Variants in TTC28 observed in about 807,000 individuals in gnomAD.
TTC28 encodes the protein tetratricopeptide repeat protein 28.
In TTC28, 61 loss-of-function variants were observed where a neutral mutation model predicts 198.0. That is an observed-to-expected ratio of 0.31 (90% confidence interval 0.25 to 0.38). The LOEUF is 0.38. TTC28 is among the 10% of genes least tolerant of loss of function. The probability of loss-of-function intolerance (pLI) is 1.00; values close to 1 mark genes in which losing one functional copy is unlikely to be tolerated. For synonymous variants in TTC28, 1,171 were observed against 1,297.8 expected, an observed-to-expected ratio of 0.90 and a Z score of 2.10; for missense variants, 2,678 against 3,164.0, an observed-to-expected ratio of 0.85 and a Z score of 3.69.
intron 2 of TTC28, among the ~76,000 whole-genome samples, chr22:28,448,050 T>C (rs2047728228): frequency 6.6e-6 from 1 of 152,218 alleles, no homozygotes; most frequent in Non-Finnish European, 1.5e-5. Context: ...TATTTTTTCA[T>C]TAGGAATGAT....
At chr22:28,378,748 C>T (rs2046451524) in intron 2 of TTC28, among the ~76,000 whole-genome samples, 1 of 151,604 alleles carries the variant, frequency 6.6e-6, no homozygotes, top group South Asian at 2.1e-4. Flanking sequence ...CCAATTGAAA[C>T]AATTTAAAAT....
intron 2 of TTC28, among the ~76,000 whole-genome samples, chr22:28,604,252 T>C (rs2050688193): frequency 7.0e-6 from 1 of 143,400 alleles, no homozygotes; most frequent in Admixed American, 7.0e-5. Context: ...CACTCTAGCC[T>C]GGCTGACAGA....
chr22:28,533,446 A>G (rs951143046), intron 2 of TTC28, among the ~76,000 whole-genome samples: 3 of 152,182 alleles, frequency 2.0e-5, no homozygotes, highest in Non-Finnish European at 4.4e-5. Flanking sequence ...ATGCTCATGG[A>G]TACGAAGAAT....
At chr22:28,551,445 C>T (rs1395901184) in intron 2 of TTC28, among the ~76,000 whole-genome samples, 1 of 151,962 alleles carries the variant, frequency 6.6e-6, no homozygotes, top group East Asian at 1.9e-4. Flanking sequence ...AACTACAGAC[C>T]AATATCCCTG....
At chr22:28,340,378 A>C (rs958172007) in intron 2 of TTC28, among the ~76,000 whole-genome samples, 2 of 151,970 alleles carry the variant, frequency 1.3e-5, no homozygotes, top group Non-Finnish European at 2.9e-5. Context: ...ATGCCTCCAA[A>C]TTCACTATAA....
intron 2 of TTC28, among the ~76,000 whole-genome samples, chr22:28,331,419 C>T (rs1161025954): frequency 6.6e-6 from 1 of 152,104 alleles, no homozygotes; most frequent in African/African-American, 2.4e-5. Context: ...AATGCCTTTT[C>T]ATCTTTCTGT....
intron 2 of TTC28, among the ~76,000 whole-genome samples, chr22:28,401,079 G>T (rs1390117636): frequency 6.6e-6 from 1 of 151,784 alleles, no homozygotes; most frequent in Non-Finnish European, 1.5e-5. Context: ...GGAAATCAGG[G>T]AAGTATGATA....
intron 12 of TTC28, among the ~76,000 whole-genome samples, chr22:28,059,155 T>A (rs1940410477): frequency 6.6e-6 from 1 of 152,052 alleles, no homozygotes; most frequent in South Asian, 2.1e-4. Context: ...TGGGTTTACA[T>A]GCTCTTCGTT....
At chr22:28,589,535 T>C (rs1043159312) in intron 2 of TTC28, among the ~76,000 whole-genome samples, 2 of 152,244 alleles carry the variant, frequency 1.3e-5, no homozygotes, top group Non-Finnish European at 2.9e-5. Context: ...TTCCTGTCTA[T>C]ATTGACTGCC....
chr22:28,352,890 A>G, intron 2 of TTC28, among the ~76,000 whole-genome samples: 1 of 152,186 alleles, frequency 6.6e-6, no homozygotes, highest in East Asian at 1.9e-4. Context: ...TAAAGAAAGG[A>G]AGAGAGGTAA....
intron 2 of TTC28, among the ~76,000 whole-genome samples, chr22:28,514,856 C>T (rs565875333): frequency 6.6e-6 from 1 of 152,214 alleles, no homozygotes; most frequent in Non-Finnish European, 1.5e-5. Context: ...ATAGGTCAGT[C>T]TTGCAGAATA....
At chr22:28,280,653 T>C (rs1434596429) in intron 5 of TTC28, among the ~76,000 whole-genome samples, 1 of 152,172 alleles carries the variant, frequency 6.6e-6, no homozygotes, top group African/African-American at 2.4e-5. Context: ...ATCTTTTATA[T>C]TTACCAACAT....
chr22:28,326,969 AACACAAACAC>A (rs1276310144), intron 2 of TTC28, among the ~76,000 whole-genome samples: 14 of 91,486 alleles, frequency 1.5e-4, no homozygotes, highest in African/African-American at 4.6e-4. Flanking sequence ...AGCATACACA[AACACAAACAC>A]ACACACACAC....
chr22:28,579,206 C>T (rs2050195891), intron 2 of TTC28, among the ~76,000 whole-genome samples: 1 of 149,874 alleles, frequency 6.7e-6, no homozygotes, highest in Non-Finnish European at 1.5e-5. Context: ...ATTATATATA[C>T]ACATACATAC....
chr22:28,021,320 G>T (rs542228530), intron 13 of TTC28, among the ~76,000 whole-genome samples: 1 of 152,296 alleles, frequency 6.6e-6, no homozygotes, highest in African/African-American at 2.4e-5. Flanking sequence ...GGCTGGGGCT[G>T]TCTGCTCCAC....
chr22:28,577,040 G>A (rs535686329), intron 2 of TTC28, among the ~76,000 whole-genome samples: 1 of 151,718 alleles, frequency 6.6e-6, no homozygotes, highest in Middle Eastern at 3.4e-3. Flanking sequence ...TGCTTTTCTA[G>A]TTGTTAAAGA....
At chr22:28,469,284 T>C (rs755949743) in intron 2 of TTC28, among the ~76,000 whole-genome samples, 1 of 152,150 alleles carries the variant, frequency 6.6e-6, no homozygotes, top group African/African-American at 2.4e-5. Flanking sequence ...GGCACCTGTA[T>C]GCCAAAGCAG....
intron 2 of TTC28, among the ~76,000 whole-genome samples, chr22:28,458,993 C>G (rs2047907538): frequency 6.6e-6 from 1 of 151,944 alleles, no homozygotes; most frequent in South Asian, 2.1e-4. Flanking sequence ...ACATAACATC[C>G]AGAGCCCAAA....
chr22:28,448,550 G>T (rs1184292280), intron 2 of TTC28, among the ~76,000 whole-genome samples: 1 of 152,100 alleles, frequency 6.6e-6, no homozygotes, highest in Non-Finnish European at 1.5e-5. Flanking sequence ...CCTCTAAATT[G>T]TGTTCAAGTA....
Sources: gnomAD v4.1 joint callset for allele counts (sites outside exome capture counted in the v4.1 genomes callset) on GRCh38, gnomAD v4.1.1 for gene constraint, MANE v1.5 for transcripts, NCBI Gene and HGNC (gene_info 2026-07-23, HGNC 2026-07-21) for gene names.